ORC6: variants seen among roughly 807,000 people sequenced by gnomAD.
The protein encoded by ORC6 is origin recognition complex subunit 6, also known as origin recognition complex, subunit 6 homolog-like (yeast).
In ORC6, 31 loss-of-function variants were observed where a neutral mutation model predicts 30.0. The observed-to-expected ratio is 1.03, with a 90% CI of 0.78 to 1.40. The LOEUF (loss-of-function observed/expected upper bound fraction) is 1.40. ORC6 is among the 40% of genes most tolerant of loss of function. The pLI is 0.00. For missense variants in ORC6, 340 were observed against 304.3 expected (o/e 1.12, Z -0.87); for synonymous variants, 136 against 111.2 (o/e 1.22, Z -1.40).
intron 1 of ORC6, 68 bp from the exon 2 acceptor site, chr16:46,690,923 C>T: frequency 6.4e-7 from 1 of 1,558,678 alleles, no homozygotes; most frequent in Non-Finnish European, 8.8e-7. Flanking sequence ...AGGCTGTATT[C>T]ATTGTTTACC....
Position 46,695,596 on chromosome 16 carries a change from G to A in ORC6, c.484G>A (p.Val162Ile). Residue 162 changes from valine (V) to isoleucine (I), a missense_variant, in exon 5 of 7, where the codon GTA becomes ATA. Transcript: ENST00000219097. ...GCTGAAAGTGGATAAAAACAAAATG[G>A]TAGCCACATCCGGTGTAAAAAAAGC... is the stretch of plus-strand genomic sequence containing the variant. ...LKLKVDKNKM[V>I]ATSGVKKAIF... 2 of 1,613,574 alleles carry A rather than the reference G, an allele frequency of 1.2e-6. No homozygotes were observed. The highest frequency in any genetic ancestry group is 1.1e-5 in the South Asian group (1 of 91,088).
chr16:46,697,471 A>G lies in ORC6; in HGVS notation c.645A>G (p.Val215=). The part of the protein sequence containing the change: ...VEAPAKEMEK[V]EEMPHKPQKD... ...ATTTTCTGTCAGAAATGGAGAAGGT[A>G]GAGGAGATGCCACATAAACCACAGA... is the stretch of plus-strand genomic sequence containing the variant. The change falls in exon 7 of 7, where the codon GTA becomes GTG. Residue 215 remains valine (V), a synonymous_variant. Coordinates refer to ENST00000219097, the MANE Select transcript of ORC6 (RefSeq NM_014321.4). 6.2e-7 allele frequency: 1 copy of G among 1,612,956 alleles called. No individual in the cohort carries two copies. The highest frequency in any genetic ancestry group is 8.5e-7 in the Non-Finnish European group (1 of 1,178,926).
At chr16:46,691,293 C>T (rs370405694) in intron 2 of ORC6, among the ~76,000 whole-genome samples, 173 bp downstream of exon 2, 275 of 152,246 alleles carry the variant, frequency 1.8e-3, no homozygotes, top group South Asian at 3.7e-3. Context: ...TATTTTTTTG[C>T]CATGTTTTCT....
At chr16:46,696,617 A>AT (rs1966520414) in intron 6 of ORC6, among the ~76,000 whole-genome samples, 1 of 152,118 alleles carries the variant, frequency 6.6e-6, no homozygotes, top group South Asian at 2.1e-4. Context: ...TGGCTATGTG[A>AT]TTTTTTGGTT....
intron 3 of ORC6, among the ~76,000 whole-genome samples, chr16:46,692,758 C>T (rs752590286): frequency 1.6e-4 from 24 of 152,278 alleles, no homozygotes; most frequent in South Asian, 4.1e-4. Context: ...ATCCCAGCTA[C>T]TCGGGAGGCT....
intron 2 of ORC6, 34 bp from the exon 3 acceptor site, chr16:46,692,348 T>C: frequency 6.3e-7 from 1 of 1,580,338 alleles, no homozygotes; most frequent in Non-Finnish European, 8.7e-7. Context: ...ACTTAAGGTT[T>C]TTATGATTTG....
rs1286917784 is a variant in ORC6 at position 46,695,651 on chromosome 16, A to C, written c.539A>C (p.Glu180Ala). The change falls in exon 5 of 7, where the codon GAG (glutamate) becomes GCG (alanine). Residue 180 changes from glutamate to alanine, a missense_variant. Coordinates refer to ENST00000219097, the MANE Select transcript of ORC6 (RefSeq NM_014321.4). ...TTTGATCGACTGTGTAAACAACTAG[A>C]GAAGATTGGACAGCAGGTCGACAGT... is the stretch of plus-strand genomic sequence containing the variant. ...AIFDRLCKQL[E>A]KIGQQVDREP... The C allele has an allele frequency of 6.2e-7, 1 of 1,608,458 alleles. No individual in the cohort carries two copies. The highest frequency in any genetic ancestry group is 1.3e-5 in the African/African-American group (1 of 74,810).
intron 4 of ORC6, chr16:46,693,445 A>G: frequency 1.9e-6 from 1 of 533,012 alleles, no homozygotes; most frequent in East Asian, 3.3e-5. Flanking sequence ...TGCCTTTTGT[A>G]AGAGATGATA....
rs763694507 is a variant in ORC6 at position 46,695,657 on chromosome 16, T to C, written c.545T>C (p.Ile182Thr). 1.4e-5 allele frequency: 23 copies of C among 1,603,776 alleles called. No homozygotes were observed. The highest frequency in any genetic ancestry group is 5.4e-5 in the African/African-American group (4 of 74,740). Reference sequence around the variant, plus strand: ...CGACTGTGTAAACAACTAGAGAAGATTGGACAGCAGGTCGACAGTAAGTAT... The same window carrying C: ...CGACTGTGTAAACAACTAGAGAAGACTGGACAGCAGGTCGACAGTAAGTAT... ...FDRLCKQLEK[I>T]GQQVDREPGD... Residue 182 changes from isoleucine to threonine, a missense_variant, in exon 5 of 7, where the codon ATT becomes ACT. By Grantham distance (89) the Ile-to-Thr change is moderately conservative. Transcript: ENST00000219097.
rs74999515 is a variant in ORC6, at chr16:46,695,664, G to A, written c.552G>A (p.Gln184=). The A allele has an allele frequency of 2.5e-4, 398 of 1,595,884 alleles. 3 individuals are homozygous for A. The East Asian group carries it at 8.5e-3, about 34-fold the overall frequency. The part of the protein sequence containing the change: ...RLCKQLEKIG[Q]QVDREPGDVA... ...GTAAACAACTAGAGAAGATTGGACA[G>A]CAGGTCGACAGTAAGTATTCTGTAG... Residue 184 remains glutamine (Q), a synonymous_variant, in exon 5 of 7, where the codon CAG becomes CAA. Coordinates refer to ENST00000219097, the MANE Select transcript of ORC6 (RefSeq NM_014321.4).
Position 46,689,904 on chromosome 16 carries a change from G to A in ORC6, c.65+134G>A, listed in dbSNP as rs796141478. On this transcript the variant is annotated intron_variant, in intron 1 of 6. Coordinates refer to ENST00000219097, the MANE Select transcript of ORC6 (RefSeq NM_014321.4). ...AGCGCTGGGGCCGGGCGGGGTTTAG[G>A]GCCTACTTCAAGAAAAACTTCTCGG... 65 of 1,340,726 alleles carry A rather than the reference G, an allele frequency of 4.8e-5. 1 individual carries two copies. The African/African-American group carries it at 8.6e-4, about 18-fold the overall frequency. 83.1% of individuals were successfully genotyped at this position (1,340,726 alleles called of 1,614,324 possible).
In ORC6 at chr16:46,689,773, G is replaced by T. The variant is rs771435331; in HGVS notation, c.65+3G>T. 6.3e-7 allele frequency: 1 copy of T among 1,591,320 alleles called. No individual in the cohort carries two copies. The highest frequency in any genetic ancestry group is 1.1e-5 in the South Asian group (1 of 88,320). ...CTCGCCGAGCCCGACATGCTGAGGT[G>T]AGTTCGGCCGCGCAAGACCAGGGCT... On this transcript the variant is annotated splice_donor_region_variant and intron_variant, in intron 1 of 6. Transcript: ENST00000219097.
Position 46,697,958 on chromosome 16 carries a change from T to TA in ORC6, c.*374dup, listed in dbSNP as rs1966538746. ...GGTGAAACCCCATCTCTACTAAAAA[T>TA]ACAAAAATTAGCCAGGTGTGATGGT... On this transcript the variant is annotated 3_prime_UTR_variant, in exon 7 of 7. Transcript: ENST00000219097. 2.3e-6 allele frequency: 1 copy of TA among 438,012 alleles called. No individual in the cohort carries two copies. The highest frequency in any genetic ancestry group is 4.6e-6 in the Non-Finnish European group (1 of 217,044). 27.1% of individuals were successfully genotyped at this position (438,012 alleles called of 1,614,324 possible).
intron 1 of ORC6, 185 bp from the exon 2 acceptor site, chr16:46,690,806 G>C (rs781412040): frequency 1.5e-6 from 1 of 680,148 alleles, no homozygotes; most frequent in Non-Finnish European, 2.7e-6. Flanking sequence ...GCACAGTGAT[G>C]TTTGGAGTCA....
intron 3 of ORC6, 76 bp from the exon 4 acceptor site, chr16:46,693,017 A>G (rs1032071849): frequency 1.0e-6 from 1 of 996,634 alleles, no homozygotes; most frequent in African/African-American, 1.6e-5. Context: ...AAAGCTTGTA[A>G]GTTCTGGTTG....
intron 1 of ORC6, 181 bp downstream of exon 1, chr16:46,689,951 C>A (rs1966411216): frequency 2.4e-6 from 2 of 827,664 alleles, no homozygotes; most frequent in African/African-American, 1.8e-5. Flanking sequence ...AATGAGATGG[C>A]AAGAAGGGCG....
At chr16:46,692,660 G>A (rs1435697505) in intron 3 of ORC6, 115 bp downstream of exon 3, 3 of 871,882 alleles carry the variant, frequency 3.4e-6, no homozygotes, top group African/African-American at 3.3e-5. Flanking sequence ...ATGTGGTCAG[G>A]AGTTCAAGAC....
Position 46,691,932 on chromosome 16 carries a change from G to GCA in ORC6, c.196-424_196-423dup, listed in dbSNP as rs34549741. 9.2e-3 allele frequency among the ~76,000 whole-genome samples: 548 copies of GCA among 59,274 alleles called. 5 individuals are homozygous for GCA. Among genetic ancestry groups the GCA allele is most frequent in the African/African-American group, 0.035 (516 of 14,626 alleles). 38.9% of individuals were successfully genotyped at this position (59,274 alleles called of 152,430 possible). A position where few individuals can be genotyped will look rare whatever the true frequency, so the allele number is the denominator to read the frequency against. The stretch of plus-strand genomic sequence containing the variant: ...AGTTTCCTTTTCCTCTTTCTCTCCT[G>GCA]CACACACACACACACACACACACAC... On this transcript the variant is annotated intron_variant, in intron 2 of 6. Transcript: ENST00000219097.
chr16:46,695,923 G>A, intron 5 of ORC6, 94 bp from the exon 6 acceptor site: 1 of 940,498 alleles, frequency 1.1e-6, no homozygotes, highest in Admixed American at 1.8e-5. Flanking sequence ...TATTTGATCA[G>A]TTAAGATGTC....
Sources: gnomAD v4.1 joint callset for allele counts (sites outside exome capture counted in the v4.1 genomes callset) on GRCh38, gnomAD v4.1.1 for gene constraint, MANE v1.5 for transcripts, NCBI Gene and HGNC (gene_info 2026-07-23, HGNC 2026-07-21) for gene names.